Variants in CRIP3 observed in about 807,000 individuals in gnomAD.
CRIP3 encodes cysteine rich protein 3.
In CRIP3, 23 loss-of-function variants were observed where a neutral mutation model predicts 30.3. That is an observed-to-expected ratio of 0.76 (90% CI 0.55 to 1.08). CRIP3 has a LOEUF of 1.08. CRIP3 is among the 50% of genes least tolerant of loss of function. CRIP3 has a pLI of 0.00. For synonymous variants in CRIP3, 89 were observed against 97.6 expected (o/e 0.91, Z 0.52); for missense variants, 261 against 259.3 (o/e 1.01, Z -0.04).
At chr6:43,307,429 T>G in intron 4 of CRIP3, 183 bp downstream of exon 4, 21 of 480,338 alleles carry the variant, frequency 4.4e-5, no homozygotes, top group Middle Eastern at 5.9e-4. Context: ...GCAGCTCACA[T>G]GAGGGAATAG....
At chr6:43,307,576 G>T in intron 4 of CRIP3, 36 bp downstream of exon 4, 1 of 1,402,190 alleles carries the variant, frequency 7.1e-7, no homozygotes, top group South Asian at 2.0e-5. Context: ...GGGAAGGGTC[G>T]GGAGGAGGAC....
At chr6:43,306,693 G>A (rs906630765) in intron 4 of CRIP3, 176 bp from the exon 5 acceptor site, 1 of 602,548 alleles carries the variant, frequency 1.7e-6, no homozygotes, top group Non-Finnish European at 3.0e-6. Flanking sequence ...TCCACCTCCT[G>A]CCCCATCCCT....
rs374667415 is a variant in CRIP3 at position 43,305,886 on chromosome 6, G to C, written c.554-11C>G. ...CGCCAATGTTCACACCTGAGAGAGA[G>C]AGCCCTATCACCAAAGGCCCTGGGT... is the stretch of plus-strand genomic sequence containing the variant. On this transcript the variant is annotated splice_polypyrimidine_tract_variant and intron_variant, in intron 7 of 7. Transcript: ENST00000372569. 1.2e-5 allele frequency: 20 copies of C among 1,614,174 alleles called. No individual in the cohort carries two copies. Among genetic ancestry groups the C allele is most frequent in the Middle Eastern group, 1.6e-4 (1 of 6,062 alleles).
intron 2 of CRIP3, 48 bp from the exon 3 acceptor site, chr6:43,307,944 A>T: frequency 6.2e-7 from 1 of 1,603,542 alleles, no homozygotes; most frequent in Non-Finnish European, 8.5e-7. Context: ...AGCGGGAGCC[A>T]TGCCCCACAG....
At position 43,306,244 on chromosome 6, in the gene CRIP3, G is replaced by T; in HGVS notation, c.470C>A (p.Thr157Asn). ...CTCAGCATGACTCCCAGCAGTCAGGGTCTTGTGGCAACGCTGGCACCTCAG... is the reference window on the plus strand; with the variant it reads ...CTCAGCATGACTCCCAGCAGTCAGGTTCTTGTGGCAACGCTGGCACCTCAG... ...PCLRCQRCHK[T>N]LTAGSHAEHD... Residue 157 changes from threonine to asparagine, a missense_variant, in exon 6 of 8, where the codon ACC (threonine) becomes AAC (asparagine). By Grantham distance (65) the Thr-to-Asn change is moderately conservative. Coordinates refer to ENST00000372569, the MANE Select transcript of CRIP3 (RefSeq NM_206922.3). 2 of 1,614,160 alleles carry T rather than the reference G, an allele frequency of 1.2e-6. No homozygotes were observed. The highest frequency in any genetic ancestry group is 1.7e-6 in the Non-Finnish European group (2 of 1,180,020).
At position 43,306,474 on chromosome 6, in the gene CRIP3, G is replaced by A. The variant is rs1303890980; in HGVS notation, c.372C>T (p.Cys124=). The A allele has an allele frequency of 4.3e-6, 7 of 1,613,198 alleles. No homozygotes were observed. Among genetic ancestry groups the A allele is most frequent in the South Asian group, 3.3e-5 (3 of 90,944 alleles). Residue 124 remains cysteine (C), a synonymous_variant, in exon 5 of 8, where the codon TGC becomes TGT. Coordinates refer to ENST00000372569, the MANE Select transcript of CRIP3 (RefSeq NM_206922.3). ...MKTFTGETSL[C]PGCGEPVYFA... is the part of the protein sequence containing the mutation. ...AATAGACGGGCTCCCCACAGCCAGG[G>A]CACAGCGAGGTCTCCCCAGTGAATG...
rs779799310 is a variant in CRIP3 at position 43,308,275 on chromosome 6, AG to A, written c.138+39del. 18 of 1,500,574 alleles carry A rather than the reference AG, an allele frequency of 1.2e-5. No homozygotes were observed. In the African/African-American group the frequency reaches 2.5e-4, roughly 21 times the overall value. The allele number at this position is 1,500,574 out of a possible 1,614,324, so 93.0% of individuals were successfully genotyped here. ...GGCTGGTGCCTGGGGGGTGGGAGGC[AG>A]TGATGTAAACAGGGCAGTGCTCCCT... On this transcript the variant is annotated intron_variant, in intron 2 of 7. Transcript: ENST00000372569.
Position 43,308,740 on chromosome 6 carries a change from C to T in CRIP3, c.43+10G>A, listed in dbSNP as rs766428976. On this transcript the variant is annotated intron_variant, in intron 1 of 7. Transcript: ENST00000372569. ...CCCCATCTTCTCCCCCTCCGCAGCC[C>T]GGGCCTCACCGAAGAAAACAGGTTG... The T allele has an allele frequency of 5.0e-6, 8 of 1,613,870 alleles. No individual in the cohort carries two copies. The Admixed American group carries it at 5.0e-5, about 10-fold the overall frequency.
At chr6:43,306,006 T>C in intron 7 of CRIP3, 61 bp downstream of exon 7, 4 of 1,605,430 alleles carry the variant, frequency 2.5e-6, no homozygotes, top group Non-Finnish European at 3.4e-6. Context: ...CCACAGACCA[T>C]GTACATGCCA....
chr6:43,306,626 C>T (rs1479123952), intron 4 of CRIP3, 109 bp from the exon 5 acceptor site: 20 of 947,980 alleles, frequency 2.1e-5, no homozygotes, highest in Non-Finnish European at 2.7e-5. Context: ...CCAGAGTGCC[C>T]CACCCAGGCG....
In CRIP3 at chr6:43,308,734, G is replaced by A. The variant is rs760929775; in HGVS notation, c.43+16C>T. The A allele has an allele frequency of 1.4e-5, 23 of 1,613,706 alleles. No homozygotes were observed. The highest frequency in any genetic ancestry group is 1.9e-5 in the Non-Finnish European group (22 of 1,179,984). On this transcript the variant is annotated intron_variant, in intron 1 of 7. Transcript: ENST00000372569. ...CATTCGCCCCATCTTCTCCCCCTCCGCAGCCCGGGCCTCACCGAAGAAAAC... is the reference window on the plus strand; with the variant it reads ...CATTCGCCCCATCTTCTCCCCCTCCACAGCCCGGGCCTCACCGAAGAAAAC...
chr6:43,306,144 A>G lies in CRIP3; in HGVS notation c.496-20T>C. On this transcript the variant is annotated intron_variant, in intron 6 of 7. Coordinates refer to ENST00000372569, the MANE Select transcript of CRIP3 (RefSeq NM_206922.3). ...ATCATGCTGAGACACAGAGAGAAAG[A>G]GAGCTGTCTCAGCCTGGTTCTCTTC... 1 of 1,614,066 alleles carries G rather than the reference A, an allele frequency of 6.2e-7. No individual in the cohort carries two copies. Among genetic ancestry groups the G allele is most frequent in the South Asian group, 1.1e-5 (1 of 91,074 alleles).
intron 4 of CRIP3, 116 bp downstream of exon 4, chr6:43,307,496 A>C: frequency 9.9e-7 from 1 of 1,010,134 alleles, no homozygotes; most frequent in Non-Finnish European, 1.3e-6. Flanking sequence ...GCCAAGAATG[A>C]AGTTGTGAGA....
rs759781071 is a variant in CRIP3, at chr6:43,306,196, C to A, written c.495+23G>T. On this transcript the variant is annotated intron_variant, in intron 6 of 7. Transcript: ENST00000372569. ...CATCTCCAGCCTCCTCCCAACATAA[C>A]CACTCATTCCTGCCCTGCTCACCTC... 1.9e-6 allele frequency: 3 copies of A among 1,614,140 alleles called. No individual in the cohort carries two copies. In the South Asian group the frequency reaches 3.3e-5, roughly 18 times the overall value.
chr6:43,307,993 C>T, intron 2 of CRIP3, 97 bp from the exon 3 acceptor site: 1 of 1,328,630 alleles, frequency 7.5e-7, no homozygotes, highest in Non-Finnish European at 1.1e-6. Context: ...TGTCTGTCCA[C>T]TGGCTGAGTC....
In CRIP3 at chr6:43,307,698, G is replaced by T. The variant is rs1327606746; in HGVS notation, c.242C>A (p.Thr81Asn). The change falls in exon 4 of 8, where the codon ACT becomes AAT. Residue 81 changes from threonine (T) to asparagine (N), a missense_variant. Thr to Asn is a moderately conservative substitution (Grantham distance 65, BLOSUM62 0). Transcript: ENST00000372569. ...AGGAGTGGTGCAGCCAGGGCTGGGA[G>T]TGGGGGGATTGTACAAGTAGGAGCC... The part of the protein sequence containing the change: ...GVGSYLYNPP[T>N]PSPGCTTPLS... 1 of 1,553,004 alleles carries T rather than the reference G, an allele frequency of 6.4e-7. No homozygotes were observed. The highest frequency in any genetic ancestry group is 2.3e-5 in the East Asian group (1 of 42,928).
chr6:43,308,562 TCACACTCCC>T (rs1449953434), intron 1 of CRIP3, 153 bp from the exon 2 acceptor site: 1 of 922,864 alleles, frequency 1.1e-6, no homozygotes, highest in African/African-American at 1.6e-5. Flanking sequence ...CGCTCCGGTT[TCACACTCCC>T]CACAGAGCTC....
rs779420782 is a variant in CRIP3 at position 43,306,250 on chromosome 6, T to G, written c.464A>C (p.His155Pro). Residue 155 changes from histidine (H) to proline (P), a missense_variant, in exon 6 of 8, where the codon CAC becomes CCC. Coordinates refer to ENST00000372569, the MANE Select transcript of CRIP3 (RefSeq NM_206922.3). ...HRPCLRCQRC[H>P]KTLTAGSHAE... Reference sequence around the variant, plus strand: ...ATGACTCCCAGCAGTCAGGGTCTTGTGGCAACGCTGGCACCTCAGACACGG... The same window carrying G: ...ATGACTCCCAGCAGTCAGGGTCTTGGGGCAACGCTGGCACCTCAGACACGG... 6.2e-7 allele frequency: 1 copy of G among 1,614,196 alleles called. No homozygotes were observed. The highest frequency in any genetic ancestry group is 1.1e-5 in the South Asian group (1 of 91,084).
Position 43,305,877 on chromosome 6 carries a change from T to TGA in CRIP3, c.554-4_554-3dup, listed in dbSNP as rs751268471. 6 of 1,613,786 alleles carry TGA rather than the reference T, an allele frequency of 3.7e-6. No individual in the cohort carries two copies. In the African/African-American group the frequency reaches 4.0e-5, roughly 11 times the overall value. ...AGCCCACATCGCCAATGTTCACACCTGAGAGAGAGAGCCCTATCACCAAAG... is the reference window on the plus strand; with the variant it reads ...AGCCCACATCGCCAATGTTCACACCTGAGAGAGAGAGAGCCCTATCACCAAAG... On this transcript the variant is annotated splice_region_variant and splice_polypyrimidine_tract_variant and intron_variant, in intron 7 of 7. Transcript: ENST00000372569.
Sources: gnomAD v4.1 joint callset for allele counts on GRCh38, gnomAD v4.1.1 for gene constraint, MANE v1.5 for transcripts, NCBI Gene and HGNC (gene_info 2026-07-23, HGNC 2026-07-21) for gene names.